Variants in CFTR observed in about 807,000 individuals in gnomAD.
CFTR encodes the protein cystic fibrosis transmembrane conductance regulator.
CFTR carries 181 observed loss-of-function variants against 171.6 expected under a neutral mutation model. The observed-to-expected ratio is 1.05, with a 90% CI of 0.93 to 1.19. The LOEUF (loss-of-function observed/expected upper bound fraction) is 1.19, where lower values mean the gene tolerates loss of function less well. CFTR is among the 50% of genes most tolerant of loss of function. The probability of loss-of-function intolerance (pLI) is 0.00; values close to 1 mark genes in which losing one functional copy is unlikely to be tolerated. For missense variants in CFTR, 1,968 were observed against 1,734.7 expected, an observed-to-expected ratio of 1.13 and a Z score of -2.39; for synonymous variants, 583 against 608.0, an observed-to-expected ratio of 0.96 and a Z score of 0.60.
intron 11 of CFTR, among the ~76,000 whole-genome samples, chr7:117,587,016 G>C (rs1791945930): frequency 6.6e-6 from 1 of 152,126 alleles, no homozygotes; most frequent in Admixed American, 6.6e-5. Context: ...TTCTAAATTA[G>C]ACATACAATG....
At position 117,529,439 on chromosome 7, in the gene CFTR, C is replaced by T. The variant is rs1475222495; in HGVS notation, c.274-1460C>T. Among the ~76,000 whole-genome samples, 8 of 132,636 alleles carry T rather than the reference C, an allele frequency of 6.0e-5. No homozygotes were observed. In the East Asian group the frequency reaches 6.7e-4, roughly 11 times the overall value. The allele number at this position is 132,636 out of a possible 152,430, so 87.0% of individuals were successfully genotyped here. On this transcript the variant is annotated intron_variant, in intron 3 of 26. Transcript: ENST00000003084. ...CTAGATGACACGTTAGTGGGTGCAG[C>T]GCACCAGCATGGCACATGTATACAT...
intron 22 of CFTR, among the ~76,000 whole-genome samples, chr7:117,634,428 A>G (rs902344528): frequency 6.6e-6 from 1 of 151,894 alleles, no homozygotes; most frequent in African/African-American, 2.4e-5. Flanking sequence ...TTTTTGATGA[A>G]CCAACTTTTT....
intron 23 of CFTR, among the ~76,000 whole-genome samples, chr7:117,643,396 T>A (rs1263096285): frequency 1.3e-5 from 2 of 152,132 alleles, no homozygotes; most frequent in African/African-American, 4.8e-5. Context: ...CTCTACTTTT[T>A]ACACAAAATT....
At position 117,496,167 on chromosome 7, in the gene CFTR, A is replaced by G. The variant is rs756806855; in HGVS notation, c.54-8086A>G. On this transcript the variant is annotated intron_variant, in intron 1 of 26. Transcript: ENST00000003084. ...TTATTTCACTTAGCATTTTTTTTCAAAGATTCATCCCTGTTGTAGCGTGTA... is the reference window on the plus strand; with the variant it reads ...TTATTTCACTTAGCATTTTTTTTCAGAGATTCATCCCTGTTGTAGCGTGTA... 1.4e-4 allele frequency among the ~76,000 whole-genome samples: 22 copies of G among 152,186 alleles called. No individual in the cohort carries two copies. Among genetic ancestry groups the G allele is most frequent in the Non-Finnish European group, 2.8e-4 (19 of 67,992 alleles).
intron 11 of CFTR, among the ~76,000 whole-genome samples, chr7:117,565,912 A>G (rs1157929705): frequency 1.3e-5 from 2 of 152,152 alleles, no homozygotes; most frequent in African/African-American, 2.4e-5. Context: ...GTTCTGGAAA[A>G]TAAACTCTAT....
At chr7:117,529,905 C>T (rs947313835) in intron 3 of CFTR, among the ~76,000 whole-genome samples, 1 of 152,148 alleles carries the variant, frequency 6.6e-6, no homozygotes, top group East Asian at 1.9e-4. Flanking sequence ...GGGTTACCCT[C>T]TGATCCCTAT....
chr7:117,503,234 A>G (rs767802821), intron 1 of CFTR, among the ~76,000 whole-genome samples: 4 of 152,250 alleles, frequency 2.6e-5, no homozygotes, highest in African/African-American at 9.6e-5. Flanking sequence ...ATTTTGATAC[A>G]TTACCAAATA....
At chr7:117,630,546 A>G (rs1390715023) in intron 22 of CFTR, among the ~76,000 whole-genome samples, 1 of 152,170 alleles carries the variant, frequency 6.6e-6, no homozygotes, top group Non-Finnish European at 1.5e-5. Context: ...GCAAAAAGGA[A>G]AAAAAGAAAA....
intron 10 of CFTR, among the ~76,000 whole-genome samples, chr7:117,558,746 TTTC>T (rs1799404557): frequency 6.6e-6 from 1 of 152,132 alleles, no homozygotes; most frequent in African/African-American, 2.4e-5. Flanking sequence ...ACTTTCAGCT[TTTC>T]TTAATAAAGC....
At chr7:117,533,042 TACAA>T (rs1406558625) in intron 4 of CFTR, among the ~76,000 whole-genome samples, 1 of 152,198 alleles carries the variant, frequency 6.6e-6, no homozygotes, top group Non-Finnish European at 1.5e-5. Flanking sequence ...TGAATTTAAA[TACAA>T]ACAAACTTGA....
chr7:117,635,521 A>G (rs1206697225), intron 22 of CFTR, among the ~76,000 whole-genome samples: 1 of 151,946 alleles, frequency 6.6e-6, no homozygotes, highest in Admixed American at 6.6e-5. Context: ...TTCTTTGTTT[A>G]TATTTTTATT....
At chr7:117,613,249 A>G (rs1294416059) in intron 20 of CFTR, among the ~76,000 whole-genome samples, 1 of 152,210 alleles carries the variant, frequency 6.6e-6, no homozygotes, top group South Asian at 2.1e-4. Flanking sequence ...AACACATGCT[A>G]TAACATGGTT....
At chr7:117,627,431 C>G in intron 21 of CFTR, 91 bp from the exon 22 acceptor site, 2 of 1,341,986 alleles carry the variant, frequency 1.5e-6, no homozygotes, top group South Asian at 2.5e-5. Flanking sequence ...GCAAGTGTTG[C>G]ATTTTACAAG....
At chr7:117,663,493 T>C (rs1460107411) in intron 24 of CFTR, among the ~76,000 whole-genome samples, 1 of 146,856 alleles carries the variant, frequency 6.8e-6, no homozygotes, top group Non-Finnish European at 1.5e-5. Flanking sequence ...TTTTGCTTGT[T>C]TGTTTCTTGT....
At chr7:117,599,759 A>G (rs1172652385) in intron 15 of CFTR, among the ~76,000 whole-genome samples, 7 of 152,082 alleles carry the variant, frequency 4.6e-5, no homozygotes, top group East Asian at 1.9e-4. Context: ...AGTGTTCACA[A>G]TTCTATTGCC....
intron 1 of CFTR, among the ~76,000 whole-genome samples, chr7:117,483,772 C>T (rs1046502629): frequency 2.6e-5 from 4 of 151,762 alleles, no homozygotes; most frequent in African/African-American, 9.7e-5. Flanking sequence ...CAGTATCTCA[C>T]TATGTTGCCC....
rs1798856136 is a variant in CFTR at position 117,531,061 on chromosome 7, C to T, written c.436C>T (p.His146Tyr). 1 of 1,613,634 alleles carries T rather than the reference C, an allele frequency of 6.2e-7. No individual in the cohort carries two copies. Among genetic ancestry groups the T allele is most frequent in the African/African-American group, 1.3e-5 (1 of 74,924 alleles). ...LLLHPAIFGLHHIGMQMRIAM... is the reference protein window; with the variant it reads ...LLLHPAIFGLYHIGMQMRIAM... ...CCTACACCCAGCCATTTTTGGCCTT[C>T]ATCACATTGGAATGCAGATGAGAAT... The change falls in exon 4 of 27, where the codon CAT becomes TAT. Residue 146 changes from histidine (H) to tyrosine (Y), a missense_variant. Transcript: ENST00000003084.
intron 21 of CFTR, among the ~76,000 whole-genome samples, chr7:117,618,343 C>T (rs1311243113): frequency 6.6e-6 from 1 of 151,862 alleles, no homozygotes; most frequent in Admixed American, 6.6e-5. Context: ...ACAAAAATTA[C>T]CTGGCCGTGG....
intron 3 of CFTR, among the ~76,000 whole-genome samples, chr7:117,512,633 C>CAAAAA (rs5886861): frequency 8.7e-5 from 6 of 68,902 alleles, no homozygotes; most frequent in Non-Finnish European, 1.4e-4. Flanking sequence ...GACTCCATCT[C>CAAAAA]AAAAAAAAAA....
Sources: gnomAD v4.1 joint callset for allele counts (sites outside exome capture counted in the v4.1 genomes callset) on GRCh38, gnomAD v4.1.1 for gene constraint, MANE v1.5 for transcripts, NCBI Gene and HGNC (gene_info 2026-07-23, HGNC 2026-07-21) for gene names.